The following TRIP12 variants were observed in gnomAD, a reference collection of about 807,000 sequenced individuals.
The protein encoded by TRIP12 is E3 ubiquitin-protein ligase TRIP12.
TRIP12 carries 25 observed loss-of-function variants against 244.2 expected under a neutral mutation model. The observed-to-expected ratio is 0.10, with a 90% CI of 0.07 to 0.14. TRIP12 has a LOEUF of 0.14. TRIP12 is among the 10% of genes least tolerant of loss of function. The pLI is 1.00. For synonymous variants in TRIP12, 905 were observed against 873.1 expected, an observed-to-expected ratio of 1.04 and a Z score of -0.64; for missense variants, 1,677 against 2,486.4, an observed-to-expected ratio of 0.67 and a Z score of 6.92.
intron 1 of TRIP12, among the ~76,000 whole-genome samples, chr2:229,897,769 C>T (rs944094469): frequency 6.6e-6 from 1 of 152,340 alleles, no homozygotes; most frequent in Non-Finnish European, 1.5e-5. Context: ...TTAGACATTT[C>T]GTTAGATGCC....
chr2:229,904,978 TAAA>T (rs1378933817), intron 1 of TRIP12, among the ~76,000 whole-genome samples: 1 of 152,042 alleles, frequency 6.6e-6, no homozygotes, highest in African/African-American at 2.4e-5. Flanking sequence ...TGACCTAAAA[TAAA>T]AAGTGTGTTT....
At chr2:229,880,914 A>G (rs923596779) in intron 1 of TRIP12, among the ~76,000 whole-genome samples, 10 of 152,234 alleles carry the variant, frequency 6.6e-5, no homozygotes, top group Non-Finnish European at 7.3e-5. Context: ...ACTGGATTCC[A>G]GCCTGGGCAA....
chr2:229,809,178 A>C (rs1270167822), intron 15 of TRIP12, among the ~76,000 whole-genome samples: 1 of 152,244 alleles, frequency 6.6e-6, no homozygotes, highest in African/African-American at 2.4e-5. Flanking sequence ...ATTTGGGCAG[A>C]GATGTGGATA....
At chr2:229,790,872 G>C (rs2041347259) in intron 30 of TRIP12, among the ~76,000 whole-genome samples, 1 of 148,730 alleles carries the variant, frequency 6.7e-6, no homozygotes. Context: ...ATAAAAACCT[G>C]AACTCTTATA....
At chr2:229,864,004 A>AAGAGAGAGAGAGAGAG (rs1163408528) in intron 2 of TRIP12, among the ~76,000 whole-genome samples, 93 of 81,148 alleles carry the variant, frequency 1.1e-3, no homozygotes, top group East Asian at 5.0e-3. Flanking sequence ...ATTTGGGTGA[A>AAGAGAGAGAGAGAGAG]AGAGAGAGAG....
intron 1 of TRIP12, among the ~76,000 whole-genome samples, chr2:229,920,015 A>G (rs760186252): frequency 1.1e-4 from 17 of 152,220 alleles, no homozygotes; most frequent in Non-Finnish European, 2.1e-4. Context: ...CCTCAATAAA[A>G]TCCTCTACAA....
intron 4 of TRIP12, among the ~76,000 whole-genome samples, chr2:229,846,847 G>C (rs570328691): frequency 6.6e-6 from 1 of 152,084 alleles, no homozygotes; most frequent in African/African-American, 2.4e-5. Context: ...GCACTGATTT[G>C]TCAATATGAA....
upstream of TRIP12, chr2:229,922,453 T>G (rs1031627035): frequency 6.4e-7 from 1 of 1,554,060 alleles, no homozygotes; most frequent in Non-Finnish European, 8.9e-7. Flanking sequence ...TTTTGGCCCC[T>G]TGACCCCAAC....
rs922933877 is a variant in TRIP12 at position 229,799,454 on chromosome 2, A to G, written c.3207-71T>C. On this transcript the variant is annotated intron_variant, in intron 21 of 41. Coordinates refer to ENST00000675903, the MANE Select transcript of TRIP12 (RefSeq NM_001348323.3). Reference sequence around the variant, plus strand: ...TTATATCTTCACTCACTGAAAAAGCAAACTAAAATGGCAGAAACAGGGAGT... The same window carrying G: ...TTATATCTTCACTCACTGAAAAAGCGAACTAAAATGGCAGAAACAGGGAGT... 4.3e-6 allele frequency: 6 copies of G among 1,404,488 alleles called. No individual in the cohort carries two copies. In the South Asian group the frequency reaches 6.9e-5, roughly 16 times the overall value. The allele number at this position is 1,404,488 out of a possible 1,614,324, so 87.0% of individuals were successfully genotyped here.
rs527692424 is a variant in TRIP12 at position 229,766,306 on chromosome 2, T to C, written c.*1248A>G. On this transcript the variant is annotated 3_prime_UTR_variant, in exon 42 of 42. Transcript: ENST00000675903. ...AGCCATGACCCGAATCATGGAGATA[T>C]GTGGATTTCCTTGCATTGAAATACA... is the stretch of plus-strand genomic sequence containing the variant. 2 of 152,360 alleles carry C rather than the reference T, an allele frequency of 1.3e-5. No individual in the cohort carries two copies. The highest frequency in any genetic ancestry group is 2.1e-4 in the South Asian group (1 of 4,826). 9.4% of individuals were successfully genotyped at this position (152,360 alleles called of 1,614,324 possible).
chr2:229,830,569 G>A (rs558211651), intron 7 of TRIP12, among the ~76,000 whole-genome samples, 187 bp downstream of exon 7: 7 of 152,138 alleles, frequency 4.6e-5, no homozygotes, highest in East Asian at 1.9e-4. Flanking sequence ...CAGTAAACAC[G>A]AAGAGGCGGA....
At position 229,764,419 on chromosome 2, in the gene TRIP12, G is replaced by C. The variant is rs189359246; in HGVS notation, c.*3135C>G. ...CAAAGCCTAAAATAAATGAAGGCTT[G>C]ATCATTTTACTAGTAGAGAAATGAA... On this transcript the variant is annotated 3_prime_UTR_variant, in exon 42 of 42. Coordinates refer to ENST00000675903, the MANE Select transcript of TRIP12 (RefSeq NM_001348323.3). 1.3e-5 allele frequency: 2 copies of C among 152,292 alleles called. No homozygotes were observed. The highest frequency in any genetic ancestry group is 1.3e-4 in the Admixed American group (2 of 15,306). 9.4% of individuals were successfully genotyped at this position (152,292 alleles called of 1,614,324 possible).
In TRIP12 at chr2:229,807,791, T is replaced by C. The variant is rs1559539244; in HGVS notation, c.2413A>G (p.Asn805Asp). 6.2e-7 allele frequency: 1 copy of C among 1,614,212 alleles called. No homozygotes were observed. The highest frequency in any genetic ancestry group is 8.5e-7 in the Non-Finnish European group (1 of 1,180,034). ...DTMLKKGNAQ[N>D]TDGAIWQWRD... is the part of the protein sequence containing the mutation. ...CACTGCCATATCGCACCATCTGTGT[T>C]CTGTGCATTTCCCTTCTTCAACATG... Residue 805 changes from asparagine (N) to aspartate (D), a missense_variant, in exon 17 of 42, where the codon AAC becomes GAC. Physicochemically the swap from Asn to Asp is conservative, Grantham distance 23. Around this residue, in one of 11 missense-constraint regions of TRIP12, gnomAD observed 572 missense variants for 867.8 expected, o/e 0.66. Transcript: ENST00000675903.
chr2:229,886,437 C>T (rs7597562), intron 1 of TRIP12, among the ~76,000 whole-genome samples: 2 of 151,368 alleles, frequency 1.3e-5, no homozygotes, highest in African/African-American at 2.4e-5. Flanking sequence ...AATGTGATAA[C>T]GGGATATTAT....
rs1049109333 is a variant in TRIP12, at chr2:229,765,850, GTC to G, written c.*1702_*1703del. 16 of 152,218 alleles carry G rather than the reference GTC, an allele frequency of 1.1e-4. No homozygotes were observed. The highest frequency in any genetic ancestry group is 1.8e-4 in the Non-Finnish European group (12 of 68,048). The allele number at this position is 152,218 out of a possible 1,614,324, so 9.4% of individuals were successfully genotyped here. ...TCAGGGAAAAGCCATTCACTTGTCA[GTC>G]TCTGCAGAGACAGGGAGAGAATTCT... On this transcript the variant is annotated 3_prime_UTR_variant, in exon 42 of 42. Coordinates refer to ENST00000675903, the MANE Select transcript of TRIP12 (RefSeq NM_001348323.3).
In TRIP12 at chr2:229,768,539, G is replaced by A. The variant is rs543861193; in HGVS notation, c.6007+77C>T. 77 of 1,318,600 alleles carry A rather than the reference G, an allele frequency of 5.8e-5. 1 individual carries two copies. In the South Asian group the frequency reaches 9.4e-4, roughly 16 times the overall value. The allele number at this position is 1,318,600 out of a possible 1,614,324, so 81.7% of individuals were successfully genotyped here. On this transcript the variant is annotated intron_variant, in intron 41 of 41. Coordinates refer to ENST00000675903, the MANE Select transcript of TRIP12 (RefSeq NM_001348323.3). ...CTGCAAGTGAGATAAAGAATCTCCT[G>A]CTGATGGTACTGAAGTTTCACACTC...
rs2032093165 is a variant in TRIP12 at position 229,767,294 on chromosome 2, C to T, written c.*260G>A. ...TTCACACAGCAAAGCATGTTAAAAA[C>T]TTCACTCATCAAATAAATGATAATT... On this transcript the variant is annotated 3_prime_UTR_variant, in exon 42 of 42. Coordinates refer to ENST00000675903, the MANE Select transcript of TRIP12 (RefSeq NM_001348323.3). 2.8e-6 allele frequency: 1 copy of T among 352,552 alleles called. No homozygotes were observed. The highest frequency in any genetic ancestry group is 2.1e-5 in the African/African-American group (1 of 47,528). 21.8% of individuals were successfully genotyped at this position (352,552 alleles called of 1,614,324 possible).
At chr2:229,922,537 T>G (rs1402173055), upstream of TRIP12, 6 of 1,613,812 alleles carry the variant, frequency 3.7e-6, no homozygotes, top group Non-Finnish European at 5.1e-6. Context: ...TGCCGGAGAC[T>G]CTCTTTGAAA....
At chr2:229,784,506 C>T (rs1311989826) in intron 34 of TRIP12, among the ~76,000 whole-genome samples, 1 of 110,616 alleles carries the variant, frequency 9.0e-6, no homozygotes, top group African/African-American at 3.6e-5. Context: ...GCAAAAAGCA[C>T]AAACAAGAAA....
Sources: allele counts gnomAD v4.1 joint callset (sites outside exome capture counted in the v4.1 genomes callset), GRCh38; gene constraint gnomAD v4.1.1; regional missense constraint gnomAD v4.1.1; transcripts MANE v1.5; gene names NCBI Gene and HGNC (gene_info 2026-07-23, HGNC 2026-07-21).